Variants in CDH12 observed in about 807,000 individuals in gnomAD.
CDH12 encodes the protein cadherin 12, also known as cadherin-12.
CDH12 carries 41 observed loss-of-function variants against 74.1 expected under a neutral mutation model. The ratio of observed to expected loss-of-function variants is 0.55; its 90% CI spans 0.43 to 0.72. The LOEUF (loss-of-function observed/expected upper bound fraction) is 0.72. Ranked by LOEUF, CDH12 falls within the 30% of genes least tolerant of loss-of-function variation. CDH12 has a pLI of 0.00. For synonymous variants in CDH12, 399 were observed against 355.0 expected (o/e 1.12, Z -1.39); for missense variants, 945 against 977.2 (o/e 0.97, Z 0.44).
chr5:22,560,943 T>A (rs1561491094), intron 1 of CDH12, among the ~76,000 whole-genome samples: 1 of 152,158 alleles, frequency 6.6e-6, no homozygotes, highest in African/African-American at 2.4e-5. Flanking sequence ...AGGTTGGGAC[T>A]ACTTAATATT....
At chr5:21,797,008 C>T (rs1027504658) in intron 10 of CDH12, among the ~76,000 whole-genome samples, 2 of 152,042 alleles carry the variant, frequency 1.3e-5, no homozygotes, top group Admixed American at 6.6e-5. Flanking sequence ...AAATCTAGTG[C>T]ATCAAAAGGC....
In CDH12 at chr5:22,671,396, T is replaced by C. The variant is rs550447364; in HGVS notation, c.-522-166032A>G. Among the ~76,000 whole-genome samples, 54 of 152,210 alleles carry C rather than the reference T, an allele frequency of 3.5e-4. 1 individual carries two copies. Among genetic ancestry groups the C allele is most frequent in the Admixed American group, 2.4e-3 (37 of 15,274 alleles). ...AAACACCAAATATACAGACAGTAGA[T>C]GGAAAATACAGTAGGTCAGAGATTC... On this transcript the variant is annotated intron_variant, in intron 1 of 14. Coordinates refer to ENST00000382254, the MANE Select transcript of CDH12 (RefSeq NM_004061.5).
chr5:21,833,103 A>G (rs190609817), intron 8 of CDH12, among the ~76,000 whole-genome samples: 1,081 of 23,888 alleles, frequency 0.045, 29 homozygotes, highest in African/African-American at 0.14. Flanking sequence ...TATATTATAT[A>G]TTATATAACA....
chr5:21,982,099 T>A (rs1461331862), intron 5 of CDH12, among the ~76,000 whole-genome samples: 1 of 152,134 alleles, frequency 6.6e-6, no homozygotes, highest in African/African-American at 2.4e-5. Context: ...CTGAATGAGA[T>A]TAGTATTTAA....
intron 1 of CDH12, among the ~76,000 whole-genome samples, chr5:22,824,237 T>A (rs915011243): frequency 2.6e-5 from 4 of 152,116 alleles, no homozygotes; most frequent in Non-Finnish European, 5.9e-5. Flanking sequence ...AACAAAGATA[T>A]TTTCAAGCAC....
At chr5:22,396,126 A>T (rs1396849819) in intron 3 of CDH12, among the ~76,000 whole-genome samples, 2 of 152,104 alleles carry the variant, frequency 1.3e-5, no homozygotes, top group Non-Finnish European at 2.9e-5. Context: ...ATTACTTTTT[A>T]AAAATTCTTT....
chr5:22,245,648 T>C (rs1752920154), intron 3 of CDH12, among the ~76,000 whole-genome samples: 1 of 151,748 alleles, frequency 6.6e-6, no homozygotes, highest in South Asian at 2.1e-4. Context: ...AGTTCATATA[T>C]ATATATGATA....
At chr5:21,783,902 G>C (rs148419624) in intron 10 of CDH12, among the ~76,000 whole-genome samples, 118 of 152,116 alleles carry the variant, frequency 7.8e-4, no homozygotes, top group African/African-American at 2.7e-3. Flanking sequence ...TCAAAACAGA[G>C]GTAGAATCTT....
At chr5:21,762,049 A>C (rs996120089) in intron 12 of CDH12, among the ~76,000 whole-genome samples, 3 of 152,174 alleles carry the variant, frequency 2.0e-5, no homozygotes, top group African/African-American at 7.2e-5. Flanking sequence ...CAATGTCTGC[A>C]GATCACTCAA....
intron 6 of CDH12, among the ~76,000 whole-genome samples, chr5:21,918,791 G>T (rs971260515): frequency 1.5e-4 from 23 of 152,006 alleles, no homozygotes; most frequent in African/African-American, 5.6e-4. Flanking sequence ...AACATTTTTG[G>T]TATAAATTAT....
At chr5:22,148,234 C>T (rs1747337780) in intron 4 of CDH12, among the ~76,000 whole-genome samples, 1 of 152,192 alleles carries the variant, frequency 6.6e-6, no homozygotes, top group Non-Finnish European at 1.5e-5. Flanking sequence ...GTCCCAACTG[C>T]TCCCTCTAAA....
At chr5:21,953,663 A>G (rs193274960) in intron 6 of CDH12, among the ~76,000 whole-genome samples, 20 of 152,314 alleles carry the variant, frequency 1.3e-4, no homozygotes, top group East Asian at 9.7e-4. Context: ...AGTACAAAAC[A>G]TTTTGTAGAG....
intron 4 of CDH12, among the ~76,000 whole-genome samples, chr5:22,147,013 C>A (rs1413172659): frequency 6.6e-6 from 1 of 152,090 alleles, no homozygotes; most frequent in Non-Finnish European, 1.5e-5. Flanking sequence ...TATATACAGA[C>A]ACATCTTTGT....
intron 4 of CDH12, among the ~76,000 whole-genome samples, chr5:22,097,775 C>A (rs1184587171): frequency 6.6e-6 from 1 of 152,048 alleles, no homozygotes; most frequent in African/African-American, 2.4e-5. Context: ...CGATCATGTA[C>A]CCCTTTCCAC....
At chr5:22,281,292 G>A (rs894792219) in intron 3 of CDH12, among the ~76,000 whole-genome samples, 2 of 152,266 alleles carry the variant, frequency 1.3e-5, no homozygotes, top group African/African-American at 4.8e-5. Context: ...ACACCTGGAA[G>A]AATTCTCTTT....
At chr5:22,306,090 T>C (rs931083858) in intron 3 of CDH12, among the ~76,000 whole-genome samples, 1 of 152,228 alleles carries the variant, frequency 6.6e-6, no homozygotes, top group Non-Finnish European at 1.5e-5. Context: ...AATGTCTTTA[T>C]ACTTTTGTTC....
intron 3 of CDH12, among the ~76,000 whole-genome samples, chr5:22,259,065 TA>T (rs1359632826): frequency 8.5e-5 from 13 of 152,202 alleles, no homozygotes; most frequent in African/African-American, 3.1e-4. Context: ...TTAATGTGTT[TA>T]TTTGGATATT....
intron 11 of CDH12, among the ~76,000 whole-genome samples, chr5:21,777,526 ATT>A (rs67741612): frequency 5.5e-4 from 78 of 142,444 alleles, no homozygotes; most frequent in Admixed American, 8.4e-4. Context: ...TACCACTAAC[ATT>A]TTTTTTTTTT....
intron 1 of CDH12, among the ~76,000 whole-genome samples, chr5:22,717,472 TC>T (rs1428351104): frequency 1.3e-5 from 2 of 152,060 alleles, no homozygotes; most frequent in African/African-American, 4.8e-5. Context: ...TGACAAAACT[TC>T]CTAAGGACAC....
Sources: allele counts gnomAD v4.1 joint callset (sites outside exome capture counted in the v4.1 genomes callset), GRCh38; gene constraint gnomAD v4.1.1; transcripts MANE v1.5; gene names NCBI Gene and HGNC (gene_info 2026-07-23, HGNC 2026-07-21).